The following PITPNM1 variants were observed in gnomAD, a reference collection of about 807,000 sequenced individuals.
PITPNM1 encodes the protein phosphatidylinositol transfer protein membrane associated 1, also known as membrane-associated phosphatidylinositol transfer protein 1.
A neutral mutation model predicts 133.3 loss-of-function variants in PITPNM1; 74 were observed. The ratio of observed to expected loss-of-function variants is 0.56; its 90% confidence interval spans 0.46 to 0.67. The LOEUF (loss-of-function observed/expected upper bound fraction) is 0.67, where lower values mean the gene tolerates loss of function less well. Ranked by LOEUF, PITPNM1 falls within the 30% of genes least tolerant of loss-of-function variation. The probability of loss-of-function intolerance (pLI) is 0.00; values close to 1 mark genes in which losing one functional copy is unlikely to be tolerated. For missense variants in PITPNM1, 1,398 were observed against 1,739.5 expected (o/e 0.80, Z 3.49); for synonymous variants, 738 against 741.4 (o/e 1.00, Z 0.08).
chr11:67,497,413 G>A lies in PITPNM1; in HGVS notation c.1964C>T (p.Thr655Ile), dbSNP rs564553532. The change falls in exon 14 of 24, where the codon ACC (threonine) becomes ATC (isoleucine). Residue 655 changes from threonine (T) to isoleucine (I), a missense_variant. Physicochemically the swap from Thr to Ile is moderately conservative, Grantham distance 89. Transcript: ENST00000356404. The part of the protein sequence containing the change: ...QNSLQAAPAT[T>I]SSWEPRRAST... ...TGCCCGCCGGGGCTCCCAGGAGGAG[G>A]TGGTTGCGGGGGCTGCCTGAAGGCT... The A allele has an allele frequency of 2.5e-6, 4 of 1,590,542 alleles. No homozygotes were observed. The highest frequency in any genetic ancestry group is 2.2e-5 in the South Asian group (2 of 89,212).
rs764997466 is a variant in PITPNM1, at chr11:67,497,445, G to T, written c.1941-9C>A. 6 of 1,591,090 alleles carry T rather than the reference G, an allele frequency of 3.8e-6. No homozygotes were observed. Among genetic ancestry groups the T allele is most frequent in the Non-Finnish European group, 5.1e-6 (6 of 1,166,708 alleles). ...CGGGGGCTGCCTGAAGGCTGTGGGG[G>T]AGGAGGGGTGCTCAGTGCTGCTGCC... is the stretch of plus-strand genomic sequence containing the variant. On this transcript the variant is annotated splice_polypyrimidine_tract_variant and intron_variant, in intron 13 of 23. Coordinates refer to ENST00000356404, the MANE Select transcript of PITPNM1 (RefSeq NM_004910.3).
Position 67,498,356 on chromosome 11 carries a change from C to T in PITPNM1, c.1485-34G>A. ...GGGGGAAATGTGCGTGGGTGAGGGG[C>T]TTCCAGACCCACTCCTGCCATCCAA... On this transcript the variant is annotated intron_variant, in intron 10 of 23. Transcript: ENST00000356404. This position sits in a 1 kb window ranked among gnomAD's most constrained non-coding sequence, Gnocchi z 5.7. 1 of 1,499,598 alleles carries T rather than the reference C, an allele frequency of 6.7e-7. No homozygotes were observed. Among genetic ancestry groups the T allele is most frequent in the Non-Finnish European group, 8.9e-7 (1 of 1,124,244 alleles). 92.9% of individuals were successfully genotyped at this position (1,499,598 alleles called of 1,614,324 possible). A position where few individuals can be genotyped will look rare whatever the true frequency, so the allele number is the denominator to read the frequency against.
At chr11:67,496,095 G>C (rs942171942) in intron 15 of PITPNM1, 83 bp downstream of exon 15, 3 of 1,286,842 alleles carry the variant, frequency 2.3e-6, no homozygotes, top group Non-Finnish European at 3.1e-6. Context: ...CATCGTCTGG[G>C]AGCCTCCTCA....
At position 67,498,227 on chromosome 11, in the gene PITPNM1, C is replaced by T. The variant is rs149235318; in HGVS notation, c.1580G>A (p.Arg527His). ...ALPLLATSSS[R>H]YQGAVATVIA... Reference sequence around the variant, plus strand: ...GACGGTGGCCACGGCGCCCTGGTAGCGGGAGGATGAGGTGGCCAGCAGTGG... The same window carrying T: ...GACGGTGGCCACGGCGCCCTGGTAGTGGGAGGATGAGGTGGCCAGCAGTGG... The change falls in exon 11 of 24, where the codon CGC (arginine) becomes CAC (histidine). Residue 527 changes from arginine to histidine, a missense_variant. Coordinates refer to ENST00000356404, the MANE Select transcript of PITPNM1 (RefSeq NM_004910.3). This position sits in a 1 kb window ranked among gnomAD's most constrained non-coding sequence, Gnocchi z 5.7. 1.0e-4 allele frequency: 163 copies of T among 1,612,532 alleles called. No homozygotes were observed. The Admixed American group carries it at 1.1e-3, about 11-fold the overall frequency.
Position 67,502,007 on chromosome 11 carries a change from G to A in PITPNM1, c.495C>T (p.Val165=), listed in dbSNP as rs1866335651. 1 of 1,613,472 alleles carries A rather than the reference G, an allele frequency of 6.2e-7. No homozygotes were observed. Among genetic ancestry groups the A allele is most frequent in the African/African-American group, 1.3e-5 (1 of 75,058 alleles). Residue 165 remains valine, a synonymous_variant, in exon 5 of 24, where the codon GTC becomes GTT. Transcript: ENST00000356404. This position sits in a 1 kb window ranked among gnomAD's most constrained non-coding sequence, Gnocchi z 5.9. ...CAGACAGTGGCCCTCGGCCCGTCTT[G>A]ACCGAGTGATAAAGCCGGGGGTCCT... ...AEEDPRLYHS[V]KTGRGPLSDD...
chr11:67,502,619 G>A lies in PITPNM1; in HGVS notation c.178C>T (p.His60Tyr). 6.2e-7 allele frequency: 1 copy of A among 1,613,564 alleles called. No homozygotes were observed. Among genetic ancestry groups the A allele is most frequent in the Admixed American group, 1.7e-5 (1 of 60,034 alleles). Reference protein sequence around the residue: ...DGPGGSGQYTHKVYHVGSHIP... With the variant: ...DGPGGSGQYTYKVYHVGSHIP... ...TGGGAGCCCACGTGGTACACCTTGT[G>A]TGTGTATTGCCCGCTGCCCCCGGGC... The change falls in exon 3 of 24, where the codon CAC (histidine) becomes TAC (tyrosine). Residue 60 changes from histidine (H) to tyrosine (Y), a missense_variant. By Grantham distance (83) the His-to-Tyr change is moderately conservative. Around this residue, in one of 5 missense-constraint regions of PITPNM1, gnomAD observed 274 missense variants for 360.7 expected, o/e 0.76. Coordinates refer to ENST00000356404, the MANE Select transcript of PITPNM1 (RefSeq NM_004910.3). This position sits in a 1 kb window ranked among gnomAD's most constrained non-coding sequence, Gnocchi z 5.9.
chr11:67,495,980 C>A (rs1866105102), intron 15 of PITPNM1, among the ~76,000 whole-genome samples, 198 bp downstream of exon 15: 2 of 152,232 alleles, frequency 1.3e-5, no homozygotes, highest in Non-Finnish European at 2.9e-5. Context: ...GGCTAACCAC[C>A]CCCACCCAAC....
In PITPNM1 at chr11:67,493,714, C is replaced by T; in HGVS notation, c.3132G>A (p.Val1044=). ...TGACCACGTCCACGGCGCCAGCTCGCACCTTGGGGTCGCTGCCCATGATGG... is the reference window on the plus strand; with the variant it reads ...TGACCACGTCCACGGCGCCAGCTCGTACCTTGGGGTCGCTGCCCATGATGG... ...SVSIMGSDPK[V]RAGAVDVVRH... Residue 1044 remains valine (V), a synonymous_variant, in exon 21 of 24, where the codon GTG becomes GTA. Coordinates refer to ENST00000356404, the MANE Select transcript of PITPNM1 (RefSeq NM_004910.3). 1 of 1,547,522 alleles carries T rather than the reference C, an allele frequency of 6.5e-7. No homozygotes were observed. The highest frequency in any genetic ancestry group is 8.7e-7 in the Non-Finnish European group (1 of 1,147,036).
chr11:67,505,529 A>G (rs893226231), upstream of PITPNM1, among the ~76,000 whole-genome samples: 5 of 152,148 alleles, frequency 3.3e-5, no homozygotes, highest in Non-Finnish European at 7.4e-5. The surrounding 1 kb of genome is among the most constrained non-coding windows in gnomAD (Gnocchi z 5.8). Flanking sequence ...GAAAAAGGCC[A>G]TTGCCTAAAT....
Position 67,496,174 on chromosome 11 carries a change from G to A in PITPNM1, c.2317+4C>T, listed in dbSNP as rs185958504. On this transcript the variant is annotated splice_donor_region_variant and intron_variant, in intron 15 of 23. Transcript: ENST00000356404. ...TCTCCCCTTTATCTTGTTTGGGGGCGTACCCAGCAGCAGGGATGAGCCATC... is the reference window on the plus strand; with the variant it reads ...TCTCCCCTTTATCTTGTTTGGGGGCATACCCAGCAGCAGGGATGAGCCATC... 5.8e-3 allele frequency: 8,787 copies of A among 1,513,924 alleles called. 35 individuals are homozygous for A. The highest frequency in any genetic ancestry group is 7.0e-3 in the Non-Finnish European group (7,898 of 1,136,288). 93.8% of individuals were successfully genotyped at this position (1,513,924 alleles called of 1,614,324 possible). A position where few individuals can be genotyped will look rare whatever the true frequency, so the allele number is the denominator to read the frequency against.
chr11:67,498,076 A>T lies in PITPNM1; in HGVS notation c.1675-52T>A, dbSNP rs772499962. The T allele has an allele frequency of 1.1e-5, 17 of 1,608,108 alleles. No individual in the cohort carries two copies. The highest frequency in any genetic ancestry group is 5.3e-5 in the African/African-American group (4 of 74,916). On this transcript the variant is annotated intron_variant, in intron 11 of 23. Transcript: ENST00000356404. This position sits in a 1 kb window ranked among gnomAD's most constrained non-coding sequence, Gnocchi z 5.7. ...GAGAGGCCTTGTCCTCACCCAGGCC[A>T]GACTACAGTGGGGGCTGCAGTGGAG...
chr11:67,500,816 G>A (rs1050128525), intron 5 of PITPNM1, among the ~76,000 whole-genome samples: 4 of 152,244 alleles, frequency 2.6e-5, no homozygotes, highest in Non-Finnish European at 5.9e-5. Context: ...GTTAATGGAA[G>A]TGTTGGCACT....
Position 67,500,311 on chromosome 11 carries a change from T to C in PITPNM1, c.751A>G (p.Met251Val). Residue 251 changes from methionine to valine, a missense_variant, in exon 6 of 24, where the codon ATG (methionine) becomes GTG (valine). Transcript: ENST00000356404. ...CACTTGGCCATGCGCTGGGCCAGCA[T>C]GCGAGCAGTCTCCTCTTCCAGTGCC... ...IRALEEETAR[M>V]LAQRMAKCNT... 2 of 1,611,750 alleles carry C rather than the reference T, an allele frequency of 1.2e-6. No homozygotes were observed. The highest frequency in any genetic ancestry group is 1.7e-6 in the Non-Finnish European group (2 of 1,179,900).
Position 67,498,118 on chromosome 11 carries a change from T to TA in PITPNM1, c.1674+14_1674+15insT. On this transcript the variant is annotated intron_variant, in intron 11 of 23. Coordinates refer to ENST00000356404, the MANE Select transcript of PITPNM1 (RefSeq NM_004910.3). This position sits in a 1 kb window ranked among gnomAD's most constrained non-coding sequence, Gnocchi z 5.7. ...GCAGTGGAGGGCAGCAGATGGACTG[T>TA]CCCTAACCGCTGACCTGCCCACAGA... 1 of 1,611,638 alleles carries TA rather than the reference T, an allele frequency of 6.2e-7. No homozygotes were observed. The highest frequency in any genetic ancestry group is 1.1e-5 in the South Asian group (1 of 91,050).
Position 67,492,289 on chromosome 11 carries a change from GACAGGA to G in PITPNM1, c.3473_3478del (p.Phe1158_Leu1159del). On this transcript the variant is annotated inframe_deletion and splice_region_variant, in exon 24 of 24. Coordinates refer to ENST00000356404, the MANE Select transcript of PITPNM1 (RefSeq NM_004910.3). ...GCCCAGGTGGGCCACATAGCCGTCT[GACAGGA>G]ACTGTGGGCAGAGGTAGGCAGCGAT... The G allele has an allele frequency of 6.4e-7, 1 of 1,569,228 alleles. No individual in the cohort carries two copies. The highest frequency in any genetic ancestry group is 8.7e-7 in the Non-Finnish European group (1 of 1,155,814).
At position 67,502,099 on chromosome 11, in the gene PITPNM1, G is replaced by T; in HGVS notation, c.416-13C>A. On this transcript the variant is annotated splice_polypyrimidine_tract_variant and intron_variant, in intron 4 of 23. Transcript: ENST00000356404. The surrounding 1 kb of genome is among the most constrained non-coding windows in gnomAD (Gnocchi z 5.9). ...ATGTCGATGGTGTCTGAGGGAGTTC[G>T]GCAAGCATTGAGCAGCGCCAGCCCC... is the stretch of plus-strand genomic sequence containing the variant. 2.5e-6 allele frequency: 4 copies of T among 1,607,356 alleles called. No homozygotes were observed. The highest frequency in any genetic ancestry group is 3.4e-6 in the Non-Finnish European group (4 of 1,176,228).
chr11:67,502,011 G>T lies in PITPNM1; in HGVS notation c.491C>A (p.Ser164Ter). 1 of 1,613,460 alleles carries T rather than the reference G, an allele frequency of 6.2e-7. No homozygotes were observed. Among genetic ancestry groups the T allele is most frequent in the Non-Finnish European group, 8.5e-7 (1 of 1,180,022 alleles). Residue 164 changes from serine (S) to a stop codon, truncating the protein, a stop_gained, in exon 5 of 24, where the codon TCG (serine) becomes TAG (stop). Coordinates refer to ENST00000356404, the MANE Select transcript of PITPNM1 (RefSeq NM_004910.3). LOFTEE classifies it high-confidence loss of function. The surrounding 1 kb of genome is among the most constrained non-coding windows in gnomAD (Gnocchi z 5.9). ...CAGTGGCCCTCGGCCCGTCTTGACC[G>T]AGTGATAAAGCCGGGGGTCCTCTTC... is the stretch of plus-strand genomic sequence containing the variant. Reference protein sequence around the residue: ...KAEEDPRLYHSVKTGRGPLSD... With the variant: ...KAEEDPRLYH
At position 67,502,065 on chromosome 11, in the gene PITPNM1, T is replaced by C. The variant is rs1445137351; in HGVS notation, c.437A>G (p.Asp146Gly). Residue 146 changes from aspartate to glycine, a missense_variant, in exon 5 of 24, where the codon GAT becomes GGT. Physicochemically the swap from Asp to Gly is moderately conservative, Grantham distance 94. Around this residue, in one of 5 missense-constraint regions of PITPNM1, gnomAD observed 274 missense variants for 360.7 expected, o/e 0.76. Transcript: ENST00000356404. This position sits in a 1 kb window ranked among gnomAD's most constrained non-coding sequence, Gnocchi z 5.9. Reference protein sequence around the residue: ...RILDTIDIVRDAVAPGEYKAE... With the variant: ...RILDTIDIVRGAVAPGEYKAE... ...TTTGTACTCGCCTGGGGCCACTGCATCCCGCACGATGTCGATGGTGTCTGA... is the reference window on the plus strand; with the variant it reads ...TTTGTACTCGCCTGGGGCCACTGCACCCCGCACGATGTCGATGGTGTCTGA... 1 of 1,612,820 alleles carries C rather than the reference T, an allele frequency of 6.2e-7. No homozygotes were observed. Among genetic ancestry groups the C allele is most frequent in the Admixed American group, 1.7e-5 (1 of 60,016 alleles).
At position 67,500,201 on chromosome 11, in the gene PITPNM1, G is replaced by T; in HGVS notation, c.861C>A (p.Thr287=). Residue 287 remains threonine (T), a synonymous_variant, in exon 6 of 24, where the codon ACC becomes ACA. Coordinates refer to ENST00000356404, the MANE Select transcript of PITPNM1 (RefSeq NM_004910.3). ...EARSAASNTG[T]PDGPEAPPGP... ...CTGGGGGGGCCTCAGGCCCATCGGGGGTGCCAGTGTTGCTGGCCGCAGACC... is the reference window on the plus strand; with the variant it reads ...CTGGGGGGGCCTCAGGCCCATCGGGTGTGCCAGTGTTGCTGGCCGCAGACC... 6.2e-7 allele frequency: 1 copy of T among 1,603,822 alleles called. No homozygotes were observed. The highest frequency in any genetic ancestry group is 8.5e-7 in the Non-Finnish European group (1 of 1,178,820).
Sources: gnomAD v4.1 joint callset for allele counts (sites outside exome capture counted in the v4.1 genomes callset) on GRCh38, gnomAD v4.1.1 for gene constraint, gnomAD v4.1.1 regional missense constraint, Gnocchi (gnomAD v3.1) non-coding constraint, MANE v1.5 for transcripts, NCBI Gene and HGNC (gene_info 2026-07-23, HGNC 2026-07-21) for gene names.